Variants in STXBP6 observed in about 807,000 individuals in gnomAD.
STXBP6 encodes syntaxin binding protein 6, also known as syntaxin-binding protein 6.
STXBP6 carries 21 observed loss-of-function variants against 26.9 expected under a neutral mutation model. That is an observed-to-expected ratio of 0.78 (90% confidence interval 0.55 to 1.12). The LOEUF (loss-of-function observed/expected upper bound fraction) is 1.12, where lower values mean the gene tolerates loss of function less well. STXBP6 is among the 50% of genes most tolerant of loss of function. The pLI, the probability that STXBP6 is intolerant of heterozygous loss-of-function variation, is 0.00. For synonymous variants in STXBP6, 97 were observed against 92.6 expected (o/e 1.05, Z -0.27); for missense variants, 232 against 257.9 (o/e 0.90, Z 0.69).
At chr14:24,919,049 G>A (rs1331833797) in intron 2 of STXBP6, among the ~76,000 whole-genome samples, 1 of 152,040 alleles carries the variant, frequency 6.6e-6, no homozygotes, top group East Asian at 1.9e-4. Context: ...TGGAAAAATA[G>A]TGCAGTCACA....
chr14:24,858,311 G>C (rs2069412900), intron 2 of STXBP6, among the ~76,000 whole-genome samples: 1 of 152,006 alleles, frequency 6.6e-6, no homozygotes, highest in Non-Finnish European at 1.5e-5. Context: ...TAAAGCAGGA[G>C]AGCAGAGACA....
intron 4 of STXBP6, among the ~76,000 whole-genome samples, chr14:24,855,107 G>C (rs1254486096): frequency 6.6e-6 from 1 of 152,056 alleles, no homozygotes; most frequent in Non-Finnish European, 1.5e-5. Context: ...TGCTAGGACA[G>C]AGTAATGGAT....
chr14:24,991,148 G>C (rs151281474), intron 1 of STXBP6, among the ~76,000 whole-genome samples: 12 of 145,022 alleles, frequency 8.3e-5, no homozygotes, highest in Non-Finnish European at 1.6e-4. Flanking sequence ...AGGAGGAAGA[G>C]AAAGAGGAGG....
At chr14:24,939,703 C>T (rs1254477547) in intron 2 of STXBP6, among the ~76,000 whole-genome samples, 1 of 152,184 alleles carries the variant, frequency 6.6e-6, no homozygotes, top group East Asian at 1.9e-4. Context: ...CTAATAGCCA[C>T]ATGGAAAACT....
chr14:24,981,566 T>A (rs1299296651), intron 1 of STXBP6, among the ~76,000 whole-genome samples: 1 of 152,112 alleles, frequency 6.6e-6, no homozygotes. Flanking sequence ...CCAGCCCAGA[T>A]ATGTGTTTTT....
intron 2 of STXBP6, among the ~76,000 whole-genome samples, chr14:24,973,207 A>T (rs2073950060): frequency 6.6e-6 from 1 of 152,164 alleles, no homozygotes; most frequent in Non-Finnish European, 1.5e-5. Flanking sequence ...TAGTCACTAG[A>T]TATTAATTGA....
intron 2 of STXBP6, among the ~76,000 whole-genome samples, chr14:24,945,482 A>G (rs576633702): frequency 8.8e-4 from 134 of 152,224 alleles, no homozygotes; most frequent in African/African-American, 3.1e-3. Context: ...AGATGGGCAG[A>G]TGGTTTGAGC....
intron 2 of STXBP6, among the ~76,000 whole-genome samples, chr14:24,968,168 A>C (rs2073793082): frequency 7.4e-6 from 1 of 135,392 alleles, no homozygotes; most frequent in East Asian, 2.2e-4. Context: ...TATATAATAA[A>C]GAATATATAT....
At chr14:25,008,458 T>C (rs990563327) in intron 1 of STXBP6, among the ~76,000 whole-genome samples, 17 of 152,178 alleles carry the variant, frequency 1.1e-4, no homozygotes, top group African/African-American at 3.9e-4. Flanking sequence ...CACTCCAGCC[T>C]GGGAGATAGA....
intron 1 of STXBP6, among the ~76,000 whole-genome samples, chr14:24,982,380 C>G (rs571754339): frequency 6.6e-6 from 1 of 152,206 alleles, no homozygotes; most frequent in Non-Finnish European, 1.5e-5. Flanking sequence ...TGGTACCCTT[C>G]TTCTGTCCAA....
intron 2 of STXBP6, among the ~76,000 whole-genome samples, chr14:24,932,211 A>T (rs2072439874): frequency 6.6e-6 from 1 of 152,214 alleles, no homozygotes; most frequent in South Asian, 2.1e-4. Flanking sequence ...ATTTGAGACC[A>T]ACCTGGCTAA....
At chr14:24,919,404 T>G (rs1022893904) in intron 2 of STXBP6, among the ~76,000 whole-genome samples, 2 of 151,824 alleles carry the variant, frequency 1.3e-5, no homozygotes, top group Non-Finnish European at 2.9e-5. Context: ...AAAACATCTT[T>G]GGATGTTTTA....
intron 2 of STXBP6, among the ~76,000 whole-genome samples, chr14:24,900,626 C>T (rs1394166651): frequency 6.6e-6 from 1 of 152,130 alleles, no homozygotes; most frequent in Non-Finnish European, 1.5e-5. Context: ...AATTATTCCC[C>T]CGAGCTACTG....
chr14:24,982,213 A>G (rs1267318598), intron 1 of STXBP6, among the ~76,000 whole-genome samples: 1 of 152,200 alleles, frequency 6.6e-6, no homozygotes, highest in Non-Finnish European at 1.5e-5. Flanking sequence ...AGACCCAATT[A>G]TAAGTTGACC....
At chr14:24,907,123 T>G (rs1399435913) in intron 2 of STXBP6, among the ~76,000 whole-genome samples, 1 of 152,110 alleles carries the variant, frequency 6.6e-6, no homozygotes, top group African/African-American at 2.4e-5. Context: ...TGACTATAGA[T>G]GTCAATAATT....
rs528418997 is a variant in STXBP6 at position 24,861,993 on chromosome 14, G to A, written c.155-4836C>T. On this transcript the variant is annotated intron_variant, in intron 2 of 5. Coordinates refer to ENST00000323944, the MANE Select transcript of STXBP6 (RefSeq NM_001394410.1). ...TGACATGGGATACTTAAATCTGCGC[G>A]TTTTTTGTTCTGTTTTGCTTTCAAG... Among the ~76,000 whole-genome samples the A allele has an allele frequency of 5.0e-4, 76 of 152,138 alleles. 1 individual carries two copies. Among genetic ancestry groups the A allele is most frequent in the African/African-American group, 1.8e-3 (73 of 41,536 alleles).
At chr14:24,846,065 C>T (rs1009260619) in intron 4 of STXBP6, among the ~76,000 whole-genome samples, 2 of 152,146 alleles carry the variant, frequency 1.3e-5, no homozygotes, top group South Asian at 2.1e-4. Flanking sequence ...CCTCTTCCTC[C>T]GTGAATGAGA....
chr14:24,963,158 C>T (rs756944110), intron 2 of STXBP6, among the ~76,000 whole-genome samples: 30 of 152,010 alleles, frequency 2.0e-4, no homozygotes, highest in Admixed American at 3.3e-4. Flanking sequence ...TTAGAGGAGG[C>T]ACATTCTCAA....
chr14:24,923,456 T>A (rs996400306), intron 2 of STXBP6, among the ~76,000 whole-genome samples: 3 of 152,222 alleles, frequency 2.0e-5, no homozygotes, highest in African/African-American at 7.2e-5. Context: ...CCTTACGAAC[T>A]TGTCAGTTTC....
Sources: allele counts gnomAD v4.1 joint callset (sites outside exome capture counted in the v4.1 genomes callset), GRCh38; gene constraint gnomAD v4.1.1; transcripts MANE v1.5; gene names NCBI Gene and HGNC (gene_info 2026-07-23, HGNC 2026-07-21).